The following SSH2 variants were observed in gnomAD, a reference collection of about 807,000 sequenced individuals.
The protein encoded by SSH2 is protein phosphatase Slingshot homolog 2.
A neutral mutation model predicts 135.2 loss-of-function variants in SSH2; 37 were observed. That is an observed-to-expected ratio of 0.27 (90% CI 0.21 to 0.36). The LOEUF (loss-of-function observed/expected upper bound fraction) is 0.36, where lower values mean the gene tolerates loss of function less well. SSH2 is among the 10% of genes least tolerant of loss of function. The pLI is 1.00. For synonymous variants in SSH2, 628 were observed against 646.2 expected (o/e 0.97, Z 0.43); for missense variants, 1,408 against 1,765.3 (o/e 0.80, Z 3.63).
intron 3 of SSH2, among the ~76,000 whole-genome samples, chr17:29,746,671 A>G (rs2040776182): frequency 6.6e-6 from 1 of 152,052 alleles, no homozygotes; most frequent in African/African-American, 2.4e-5. Flanking sequence ...CTTAAAAGGG[A>G]CGTGGGTCAG....
At chr17:29,877,005 C>T (rs1462931239) in intron 1 of SSH2, among the ~76,000 whole-genome samples, 1 of 151,960 alleles carries the variant, frequency 6.6e-6, no homozygotes, top group East Asian at 1.9e-4. Context: ...ACATGAGGAG[C>T]TCCAAACAAC....
At chr17:29,704,276 C>A (rs1285073909) in intron 3 of SSH2, among the ~76,000 whole-genome samples, 1 of 152,162 alleles carries the variant, frequency 6.6e-6, no homozygotes, top group Non-Finnish European at 1.5e-5. Flanking sequence ...CAAAATTTTA[C>A]TACTGCCAAC....
intron 1 of SSH2, among the ~76,000 whole-genome samples, chr17:29,918,808 G>A (rs1435941458): frequency 1.3e-5 from 2 of 152,030 alleles, no homozygotes; most frequent in Admixed American, 6.6e-5. Context: ...GTGGTGGCCT[G>A]TGCCTGTAGT....
intron 1 of SSH2, among the ~76,000 whole-genome samples, chr17:29,905,240 C>T (rs2066631758): frequency 6.6e-6 from 1 of 152,214 alleles, no homozygotes; most frequent in Non-Finnish European, 1.5e-5. Flanking sequence ...CAACTTCAAA[C>T]TATACTACAA....
chr17:29,792,991 G>A (rs1217738938), intron 3 of SSH2, among the ~76,000 whole-genome samples: 1 of 152,038 alleles, frequency 6.6e-6, no homozygotes, highest in Non-Finnish European at 1.5e-5. Context: ...TATTAAAGCA[G>A]CATTCCCTTT....
At position 29,921,463 on chromosome 17, in the gene SSH2, A is replaced by G. The variant is rs1245711724; in HGVS notation, c.63+8475T>C. 2.6e-5 allele frequency among the ~76,000 whole-genome samples: 4 copies of G among 152,358 alleles called. No individual in the cohort carries two copies. The South Asian group carries it at 6.2e-4, about 24-fold the overall frequency. On this transcript the variant is annotated intron_variant, in intron 1 of 15. Transcript: ENST00000540801. ...TGTATCAAAAGTCTTAAAAGTGATC[A>G]TATCCTTTGGGCTTCTCAAGATATC...
At chr17:29,682,657 AAAG>A (rs2038034187) in intron 6 of SSH2, among the ~76,000 whole-genome samples, 1 of 152,170 alleles carries the variant, frequency 6.6e-6, no homozygotes, top group African/African-American at 2.4e-5. Context: ...AAGGAAGATG[AAAG>A]AAGGAAGGAA....
At chr17:29,879,052 T>C (rs1355049513) in intron 1 of SSH2, among the ~76,000 whole-genome samples, 1 of 152,222 alleles carries the variant, frequency 6.6e-6, no homozygotes, top group Non-Finnish European at 1.5e-5. Flanking sequence ...ACATCTCATG[T>C]CTGTACATTT....
At chr17:29,798,358 C>G in intron 2 of SSH2, among the ~76,000 whole-genome samples, 1 of 151,800 alleles carries the variant, frequency 6.6e-6, no homozygotes, top group South Asian at 2.1e-4. Context: ...GGGATTTCAC[C>G]ATATTGGCCA....
Position 29,673,992 on chromosome 17 carries a change from C to T in SSH2, c.615-1863G>A, listed in dbSNP as rs757168264. The T allele has an allele frequency of 2.7e-4, 115 of 430,842 alleles. 1 individual carries two copies. Among genetic ancestry groups the T allele is most frequent in the South Asian group, 7.7e-4 (47 of 61,052 alleles). 26.7% of individuals were successfully genotyped at this position (430,842 alleles called of 1,614,324 possible). ...TTCTTAGAGCTAAAATCTTTGCACA[C>T]ATCCATGTTTACAAACTTAGAGTAA... On this transcript the variant is annotated intron_variant, in intron 8 of 15. Transcript: ENST00000540801.
At chr17:29,688,231 G>C (rs996980100) in intron 5 of SSH2, among the ~76,000 whole-genome samples, 1 of 151,374 alleles carries the variant, frequency 6.6e-6, no homozygotes, top group South Asian at 2.1e-4. Context: ...GGATGCTCTC[G>C]ATCTCTTGAC....
intron 7 of SSH2, 120 bp from the exon 8 acceptor site, chr17:29,677,005 C>T: frequency 2.6e-6 from 2 of 767,632 alleles, no homozygotes; most frequent in Non-Finnish European, 4.4e-6. Flanking sequence ...AATCATCAGG[C>T]ATTTCACGTA....
Position 29,788,231 on chromosome 17 carries a change from T to C in SSH2, c.188+5663A>G, listed in dbSNP as rs185778230. ...TCTGTGAGGGTGTTTCTGGATAATA[T>C]TAACCTTTGAATCAGTAGACTGGGT... On this transcript the variant is annotated intron_variant, in intron 3 of 15. Coordinates refer to ENST00000540801, the MANE Select transcript of SSH2 (RefSeq NM_001282129.2). Among the ~76,000 whole-genome samples the C allele has an allele frequency of 5.8e-4, 89 of 152,294 alleles. 1 individual carries two copies. The highest frequency in any genetic ancestry group is 5.8e-3 in the Admixed American group (89 of 15,306).
chr17:29,857,274 C>T (rs1292370561), intron 1 of SSH2, among the ~76,000 whole-genome samples: 1 of 152,178 alleles, frequency 6.6e-6, no homozygotes, highest in African/African-American at 2.4e-5. Flanking sequence ...AAGAGCAAGT[C>T]ACATCTTACA....
chr17:29,711,106 T>A (rs2039417040), intron 3 of SSH2, among the ~76,000 whole-genome samples: 1 of 152,130 alleles, frequency 6.6e-6, no homozygotes, highest in South Asian at 2.1e-4. Flanking sequence ...AGTAAACCAA[T>A]TACCGGCCGA....
intron 3 of SSH2, among the ~76,000 whole-genome samples, chr17:29,729,768 A>C (rs2151184297): frequency 6.6e-6 from 1 of 152,144 alleles, no homozygotes; most frequent in South Asian, 2.1e-4. Flanking sequence ...ATGTTAAGTG[A>C]AATAAGCCAG....
intron 2 of SSH2, among the ~76,000 whole-genome samples, chr17:29,797,585 G>T (rs1313947018): frequency 6.6e-6 from 1 of 152,088 alleles, no homozygotes; most frequent in African/African-American, 2.4e-5. Context: ...TGGGATATTT[G>T]AGTTTTTGCC....
chr17:29,885,628 T>G (rs1455193819), intron 1 of SSH2, among the ~76,000 whole-genome samples: 1 of 152,180 alleles, frequency 6.6e-6, no homozygotes, highest in Non-Finnish European at 1.5e-5. Context: ...TCAATAATGC[T>G]TACTGATATG....
intron 2 of SSH2, 52 bp from the exon 3 acceptor site, chr17:29,793,989 T>C (rs2042116660): frequency 8.1e-7 from 1 of 1,241,812 alleles, no homozygotes; most frequent in Non-Finnish European, 1.2e-6. Flanking sequence ...TTTCATATCA[T>C]AATATCACTA....
Sources: gnomAD v4.1 joint callset for allele counts (sites outside exome capture counted in the v4.1 genomes callset) on GRCh38, gnomAD v4.1.1 for gene constraint, MANE v1.5 for transcripts, NCBI Gene and HGNC (gene_info 2026-07-23, HGNC 2026-07-21) for gene names.